Variants in COL4A6 observed in about 807,000 individuals in gnomAD.
COL4A6 encodes collagen alpha-6(IV) chain.
In COL4A6, 59 loss-of-function variants were observed where a neutral mutation model predicts 126.7. The observed-to-expected ratio is 0.47, with a 90% confidence interval of 0.38 to 0.58. The LOEUF (loss-of-function observed/expected upper bound fraction) is 0.58, where lower values mean the gene tolerates loss of function less well. Ranked by LOEUF, COL4A6 falls within the 20% of genes least tolerant of loss-of-function variation. The pLI is 0.00. For synonymous variants in COL4A6, 547 were observed against 496.6 expected (o/e 1.10, Z -1.35); for missense variants, 1,285 against 1,337.3 (o/e 0.96, Z 0.61).
chrX:108,391,343 T>G (rs1000465684), intron 2 of COL4A6, among the ~76,000 whole-genome samples: 3 of 111,764 alleles, frequency 2.7e-5, no homozygotes, highest in Admixed American at 1.9e-4. Flanking sequence ...GGGGGTTTTA[T>G]CTATAAGTCC....
chrX:108,211,706 G>C lies in COL4A6; in HGVS notation c.476C>G (p.Pro159Arg), dbSNP rs752585212. The change falls in exon 7 of 45, where the codon CCT (proline) becomes CGT (arginine). Residue 159 changes from proline to arginine, a missense_variant. Transcript: ENST00000334504. ...TTTGAAACTACCTGGAGCAAGGACA[G>C]GGTCACCTTTTGATCCTTTCTGACC... ...LPGQKGSKGD[P>R]VLAPGSFKGM... 8.3e-7 allele frequency: 1 copy of C among 1,210,402 alleles called. No individual in the cohort carries two copies. Among genetic ancestry groups the C allele is most frequent in the East Asian group, 3.0e-5 (1 of 33,767 alleles).
At chrX:108,202,351 C>T (rs1026990969) in intron 13 of COL4A6, among the ~76,000 whole-genome samples, 20 of 111,900 alleles carry the variant, frequency 1.8e-4, no homozygotes, top group African/African-American at 6.2e-4. Flanking sequence ...ATCTCAAGGA[C>T]AGGGACTTTT....
intron 25 of COL4A6, among the ~76,000 whole-genome samples, chrX:108,180,293 A>T (rs951079933): frequency 4.5e-5 from 5 of 111,578 alleles, no homozygotes; most frequent in Admixed American, 9.5e-5. Context: ...GGGTTGCCCC[A>T]GCTGATTTTG....
intron 2 of COL4A6, among the ~76,000 whole-genome samples, chrX:108,370,000 G>T (rs769736097): frequency 6.3e-5 from 7 of 111,733 alleles, no homozygotes; most frequent in Non-Finnish European, 1.3e-4. Context: ...TAACAAAGAG[G>T]GACCATTTCC....
At chrX:108,220,692 T>C (rs977254856) in intron 4 of COL4A6, among the ~76,000 whole-genome samples, 3 of 112,683 alleles carry the variant, frequency 2.7e-5, no homozygotes, top group Non-Finnish European at 5.6e-5. Context: ...CCTGACTTCT[T>C]ACCACAGTGA....
intron 2 of COL4A6, among the ~76,000 whole-genome samples, chrX:108,351,115 C>T (rs183630941): frequency 4.5e-5 from 5 of 111,611 alleles, no homozygotes; most frequent in African/African-American, 1.6e-4. Flanking sequence ...CACATCCTAG[C>T]GCCTGGACTT....
intron 3 of COL4A6, among the ~76,000 whole-genome samples, chrX:108,278,453 A>G (rs1488472691): frequency 1.1e-4 from 12 of 111,344 alleles, no homozygotes; most frequent in Non-Finnish European, 2.3e-4. Context: ...AAAAGAATAA[A>G]AAGAAACAAA....
chrX:108,194,379 G>A (rs2035146256), intron 16 of COL4A6, among the ~76,000 whole-genome samples, 155 bp downstream of exon 16: 1 of 112,301 alleles, frequency 8.9e-6, no homozygotes, highest in Admixed American at 9.4e-5. Context: ...CTCATTAGCA[G>A]CTTTGTGTGT....
chrX:108,281,672 G>C (rs1375522081), intron 3 of COL4A6, among the ~76,000 whole-genome samples: 1 of 110,928 alleles, frequency 9.0e-6, no homozygotes, highest in African/African-American at 3.3e-5. Flanking sequence ...AACCAAAAAA[G>C]AGCCCACATC....
At chrX:108,307,202 A>C (rs1203238827) in intron 3 of COL4A6, among the ~76,000 whole-genome samples, 2 of 111,977 alleles carry the variant, frequency 1.8e-5, no homozygotes, top group African/African-American at 6.5e-5. Flanking sequence ...AAAGTCATAT[A>C]TTAAGTTCAA....
At chrX:108,312,402 A>C (rs1426894454) in intron 2 of COL4A6, among the ~76,000 whole-genome samples, 1 of 112,108 alleles carries the variant, frequency 8.9e-6, no homozygotes, top group Non-Finnish European at 1.9e-5. Context: ...TCTCTCTTAT[A>C]AGCCCTTGAC....
In COL4A6 at chrX:108,416,830, G is replaced by A. The variant is rs1479088981; in HGVS notation, c.63+21112C>T. Among the ~76,000 whole-genome samples, 3 of 111,968 alleles carry A rather than the reference G, an allele frequency of 2.7e-5. No homozygotes were observed. The Admixed American group carries it at 2.9e-4, about 11-fold the overall frequency. ...TTGGGTGTAGAAGGGCACAATCAAT[G>A]AGGATTAAGATCTATCTCCCTATTA... On this transcript the variant is annotated intron_variant, in intron 2 of 44. Transcript: ENST00000334504.
chrX:108,322,441 C>CT (rs776250162), intron 2 of COL4A6, among the ~76,000 whole-genome samples: 5 of 111,911 alleles, frequency 4.5e-5, no homozygotes, highest in Non-Finnish European at 9.4e-5. Flanking sequence ...CCTCCAACAT[C>CT]TGCTCAACTG....
chrX:108,290,674 G>A (rs1380376175), intron 3 of COL4A6, among the ~76,000 whole-genome samples: 2 of 112,410 alleles, frequency 1.8e-5, no homozygotes, highest in Non-Finnish European at 3.8e-5. Context: ...ATTGTTACTG[G>A]TAACTCCTTG....
intron 7 of COL4A6, among the ~76,000 whole-genome samples, chrX:108,210,891 T>G (rs1025342169): frequency 3.6e-5 from 4 of 111,903 alleles, no homozygotes; most frequent in African/African-American, 1.3e-4. Context: ...CCCCCATCAC[T>G]GCCTTCCAAA....
At chrX:108,164,367 G>A (rs2034055061) in intron 40 of COL4A6, among the ~76,000 whole-genome samples, 1 of 111,800 alleles carries the variant, frequency 8.9e-6, no homozygotes, top group African/African-American at 3.3e-5. Flanking sequence ...AACACAGAGA[G>A]GCAGTCAGTA....
chrX:108,342,320 T>A (rs894618755), intron 2 of COL4A6, among the ~76,000 whole-genome samples: 2 of 112,406 alleles, frequency 1.8e-5, no homozygotes, highest in African/African-American at 6.5e-5. Context: ...TTAGCAATTA[T>A]CTTTTCTTAT....
intron 2 of COL4A6, among the ~76,000 whole-genome samples, chrX:108,386,041 C>T (rs769843383): frequency 4.5e-5 from 5 of 111,662 alleles, no homozygotes; most frequent in African/African-American, 6.5e-5. Flanking sequence ...CTGCAAAGGA[C>T]ATGAACTCAT....
intron 2 of COL4A6, among the ~76,000 whole-genome samples, chrX:108,371,856 GAAAAA>G (rs34557947): frequency 2.0e-5 from 1 of 50,615 alleles, no homozygotes; most frequent in Admixed American, 2.5e-4. Context: ...CAATATGAAG[GAAAAA>G]AAAAAAAAAA....
Sources: gnomAD v4.1 joint callset for allele counts (sites outside exome capture counted in the v4.1 genomes callset) on GRCh38, gnomAD v4.1.1 for gene constraint, MANE v1.5 for transcripts, NCBI Gene and HGNC (gene_info 2026-07-23, HGNC 2026-07-21) for gene names.